Variants in MAGI1 observed in about 807,000 individuals in gnomAD.
MAGI1 encodes the protein membrane associated guanylate kinase, WW and PDZ domain containing 1.
MAGI1 carries 58 observed loss-of-function variants against 139.9 expected under a neutral mutation model. That is an observed-to-expected ratio of 0.41 (90% CI 0.34 to 0.52). The LOEUF (loss-of-function observed/expected upper bound fraction) is 0.52, where lower values mean the gene tolerates loss of function less well. Ranked by LOEUF, MAGI1 falls within the 20% of genes least tolerant of loss-of-function variation. The probability of loss-of-function intolerance (pLI) is 0.12; values close to 1 mark genes in which losing one functional copy is unlikely to be tolerated. For missense variants in MAGI1, 1,874 were observed against 1,901.6 expected, an observed-to-expected ratio of 0.99 and a Z score of 0.27; for synonymous variants, 812 against 737.9, an observed-to-expected ratio of 1.10 and a Z score of -1.63.
intron 1 of MAGI1, among the ~76,000 whole-genome samples, chr3:65,858,015 G>A (rs571580746): frequency 6.6e-5 from 10 of 152,078 alleles, no homozygotes; most frequent in Non-Finnish European, 1.3e-4. Flanking sequence ...AGGCTGAGGT[G>A]GGAGGATTGC....
intron 1 of MAGI1, among the ~76,000 whole-genome samples, chr3:65,851,986 A>G (rs2059220162): frequency 6.6e-6 from 1 of 152,242 alleles, no homozygotes; most frequent in Admixed American, 6.5e-5. Flanking sequence ...GATAAAGGCC[A>G]AAAGTTGAAT....
intron 1 of MAGI1, among the ~76,000 whole-genome samples, chr3:65,993,604 C>T (rs374200006): frequency 5.3e-5 from 8 of 152,310 alleles, no homozygotes; most frequent in African/African-American, 1.2e-4. Flanking sequence ...ACCCTTGATA[C>T]GCTTAATTTT....
intron 13 of MAGI1, among the ~76,000 whole-genome samples, chr3:65,393,304 C>T (rs149641660): frequency 1.7e-4 from 26 of 152,256 alleles, no homozygotes; most frequent in Middle Eastern, 3.4e-3. Context: ...TGATTATAAA[C>T]AACCATGTAC....
chr3:65,510,897 C>G (rs2077553386), intron 2 of MAGI1, among the ~76,000 whole-genome samples: 1 of 148,740 alleles, frequency 6.7e-6, no homozygotes, highest in African/African-American at 2.5e-5. Flanking sequence ...TTAAGGGCAG[C>G]CAGAGAGAAA....
intron 1 of MAGI1, among the ~76,000 whole-genome samples, chr3:65,761,682 A>G (rs1317083336): frequency 6.6e-6 from 1 of 152,222 alleles, no homozygotes; most frequent in African/African-American, 2.4e-5. Flanking sequence ...CTCATTAACC[A>G]GCCGAGAATG....
rs1351779357 is a variant in MAGI1 at position 65,530,722 on chromosome 3, T to TAC, written c.431-37093_431-37092dup. Among the ~76,000 whole-genome samples the TAC allele has an allele frequency of 2.2e-5, 3 of 135,402 alleles. No individual in the cohort carries two copies. The South Asian group carries it at 7.0e-4, about 32-fold the overall frequency. 88.8% of individuals were successfully genotyped at this position (135,402 alleles called of 152,430 possible). A position where few individuals can be genotyped will look rare whatever the true frequency, so the allele number is the denominator to read the frequency against. The stretch of plus-strand genomic sequence containing the variant: ...ATACACATATACACGTGTATATATA[T>TAC]ACACACGTATATATATATGCACATA... On this transcript the variant is annotated intron_variant, in intron 2 of 22. Transcript: ENST00000402939.
At chr3:65,815,232 G>A (rs1189958741) in intron 1 of MAGI1, among the ~76,000 whole-genome samples, 1 of 152,194 alleles carries the variant, frequency 6.6e-6, no homozygotes, top group Admixed American at 6.5e-5. Flanking sequence ...CATGATCTGG[G>A]AATGAAATAT....
At chr3:65,360,920 C>T in intron 22 of MAGI1, 1 of 1,376,662 alleles carries the variant, frequency 7.3e-7, no homozygotes, top group Non-Finnish European at 9.4e-7. Context: ...ACAAACATTC[C>T]TTCGCTCTTG....
At chr3:65,729,795 C>G (rs1440849128) in intron 1 of MAGI1, among the ~76,000 whole-genome samples, 2 of 152,194 alleles carry the variant, frequency 1.3e-5, no homozygotes, top group African/African-American at 2.4e-5. Context: ...AAATACAGCA[C>G]TGCAATCTAA....
intron 1 of MAGI1, among the ~76,000 whole-genome samples, chr3:65,942,882 G>A (rs971003823): frequency 2.6e-5 from 4 of 152,198 alleles, no homozygotes; most frequent in Non-Finnish European, 4.4e-5. Flanking sequence ...TGAGCTGGGC[G>A]TGGTGGTGTG....
intron 1 of MAGI1, among the ~76,000 whole-genome samples, chr3:65,915,766 T>G (rs1010648327): frequency 6.6e-6 from 1 of 152,082 alleles, no homozygotes; most frequent in African/African-American, 2.4e-5. Flanking sequence ...ATCAGGTAAC[T>G]AATGGCATTT....
chr3:65,453,747 G>C (rs551945164), intron 5 of MAGI1, among the ~76,000 whole-genome samples: 12 of 152,126 alleles, frequency 7.9e-5, no homozygotes, highest in Admixed American at 6.5e-4. Flanking sequence ...AACTCACAAA[G>C]AGGGCTGCTA....
chr3:65,682,332 T>A (rs951243226), intron 1 of MAGI1, among the ~76,000 whole-genome samples: 2 of 152,102 alleles, frequency 1.3e-5, no homozygotes, highest in Non-Finnish European at 2.9e-5. Context: ...CATTTAACCA[T>A]AGTAATCAAG....
intron 2 of MAGI1, among the ~76,000 whole-genome samples, chr3:65,505,294 GATTA>G (rs962889999): frequency 1.3e-5 from 2 of 151,878 alleles, no homozygotes; most frequent in South Asian, 2.1e-4. Flanking sequence ...GAAAAGCTGT[GATTA>G]ATTAAGAATA....
chr3:65,369,495 C>T (rs536867003), intron 18 of MAGI1, among the ~76,000 whole-genome samples: 10 of 151,822 alleles, frequency 6.6e-5, no homozygotes, highest in African/African-American at 2.4e-4. Flanking sequence ...AGAACAGTGT[C>T]CCAGACGTGA....
At chr3:65,534,454 C>G (rs1018834271) in intron 2 of MAGI1, among the ~76,000 whole-genome samples, 18 of 152,102 alleles carry the variant, frequency 1.2e-4, no homozygotes, top group Non-Finnish European at 8.8e-5. Flanking sequence ...TATACTGCTG[C>G]ACTCCAGCCT....
chr3:65,915,333 C>A (rs2061848822), intron 1 of MAGI1, among the ~76,000 whole-genome samples: 1 of 152,194 alleles, frequency 6.6e-6, no homozygotes, highest in Non-Finnish European at 1.5e-5. Context: ...AATCCAAACA[C>A]CAACGGGATG....
At chr3:65,713,740 G>C (rs767246114) in intron 1 of MAGI1, among the ~76,000 whole-genome samples, 1 of 152,118 alleles carries the variant, frequency 6.6e-6, no homozygotes, top group Non-Finnish European at 1.5e-5. Flanking sequence ...TGCCTACTAC[G>C]TCACAGGTAG....
At chr3:66,035,091 G>A (rs1473206335) in intron 1 of MAGI1, among the ~76,000 whole-genome samples, 1 of 152,070 alleles carries the variant, frequency 6.6e-6, no homozygotes, top group Non-Finnish European at 1.5e-5. Flanking sequence ...ACTTTGTAAA[G>A]GCATTTTATG....
Sources: gnomAD v4.1 joint callset for allele counts (sites outside exome capture counted in the v4.1 genomes callset) on GRCh38, gnomAD v4.1.1 for gene constraint, MANE v1.5 for transcripts, NCBI Gene and HGNC (gene_info 2026-07-23, HGNC 2026-07-21) for gene names.